CYTH3: variants seen among roughly 807,000 people sequenced by gnomAD.
CYTH3 encodes cytohesin 3.
A neutral mutation model predicts 55.1 loss-of-function variants in CYTH3; 23 were observed. The ratio of observed to expected loss-of-function variants is 0.42; its 90% CI spans 0.30 to 0.59. The LOEUF is 0.59. Ranked by LOEUF, CYTH3 falls within the 20% of genes least tolerant of loss-of-function variation. CYTH3 has a pLI of 0.20. For missense variants in CYTH3, 413 were observed against 524.8 expected, an observed-to-expected ratio of 0.79 and a Z score of 2.08; for synonymous variants, 249 against 194.9, an observed-to-expected ratio of 1.28 and a Z score of -2.31.
chr7:6,242,818 C>T (rs1779709259), intron 1 of CYTH3, among the ~76,000 whole-genome samples: 1 of 152,100 alleles, frequency 6.6e-6, no homozygotes, highest in South Asian at 2.1e-4. Flanking sequence ...CCAGTGCCTC[C>T]CATACTCCTC....
chr7:6,210,464 G>A (rs1422849747), intron 1 of CYTH3, among the ~76,000 whole-genome samples: 1 of 152,202 alleles, frequency 6.6e-6, no homozygotes, highest in East Asian at 1.9e-4. Flanking sequence ...CAACTACCAT[G>A]TCAAGGAGAC....
chr7:6,168,945 C>A (rs1043716061), intron 9 of CYTH3, among the ~76,000 whole-genome samples: 2 of 152,174 alleles, frequency 1.3e-5, no homozygotes, highest in African/African-American at 2.4e-5. Flanking sequence ...GAGTGCCTGC[C>A]GGCATTTCCG....
intron 1 of CYTH3, among the ~76,000 whole-genome samples, chr7:6,259,760 TATA>T (rs1780245885): frequency 3.9e-5 from 1 of 25,908 alleles, no homozygotes; most frequent in East Asian, 1.5e-3. Context: ...ATATATATTA[TATA>T]TATATATATT....
At chr7:6,181,315 T>C (rs530790839) in intron 4 of CYTH3, among the ~76,000 whole-genome samples, 39 of 152,240 alleles carry the variant, frequency 2.6e-4, no homozygotes, top group Non-Finnish European at 4.7e-4. Flanking sequence ...CACGCTCCAA[T>C]TACACAATTC....
In CYTH3 at chr7:6,173,680, G is replaced by A. The variant is rs1783260718; in HGVS notation, c.422C>T (p.Ala141Val). The A allele has an allele frequency of 1.2e-6, 2 of 1,611,802 alleles. No individual in the cohort carries two copies. Among genetic ancestry groups the A allele is most frequent in the Middle Eastern group, 1.7e-4 (1 of 6,036 alleles). The change falls in exon 6 of 13, where the codon GCT becomes GTT. Residue 141 changes from alanine (A) to valine (V), a missense_variant. Ala to Val is a moderately conservative substitution (Grantham distance 64). Transcript: ENST00000350796. Reference sequence around the variant, plus strand: ...TAAGGCTTGTACAAGGTTGAGATCAGCAAACTCATGGAGTTCAACAAAGGC... The same window carrying A: ...TAAGGCTTGTACAAGGTTGAGATCAACAAACTCATGGAGTTCAACAAAGGC... ...LQAFVELHEFADLNLVQALRQ... is the reference protein window; with the variant it reads ...LQAFVELHEFVDLNLVQALRQ...
intron 5 of CYTH3, among the ~76,000 whole-genome samples, chr7:6,175,422 C>A (rs763093614): frequency 6.6e-6 from 1 of 151,966 alleles, no homozygotes; most frequent in Non-Finnish European, 1.5e-5. Context: ...TGTCTTGGTA[C>A]CTGGTTGAAA....
At chr7:6,249,187 G>A (rs939120849) in intron 1 of CYTH3, among the ~76,000 whole-genome samples, 1 of 152,150 alleles carries the variant, frequency 6.6e-6, no homozygotes, top group Non-Finnish European at 1.5e-5. Context: ...GGTTCACTAT[G>A]TTCTGTGTTT....
At chr7:6,231,074 T>C (rs1446302424) in intron 1 of CYTH3, among the ~76,000 whole-genome samples, 1 of 152,184 alleles carries the variant, frequency 6.6e-6, no homozygotes, top group Non-Finnish European at 1.5e-5. Flanking sequence ...CTCTCACCTG[T>C]ACTAACCCAC....
intron 1 of CYTH3, among the ~76,000 whole-genome samples, chr7:6,201,581 T>A (rs1333203864): frequency 6.6e-6 from 1 of 152,066 alleles, no homozygotes; most frequent in Non-Finnish European, 1.5e-5. Flanking sequence ...GTACAGGAGG[T>A]GTGAGCATCA....
chr7:6,227,228 T>C (rs1779278613), intron 1 of CYTH3, among the ~76,000 whole-genome samples: 1 of 151,228 alleles, frequency 6.6e-6, no homozygotes. Context: ...AGAAAGCAGA[T>C]AGGAACAGAT....
intron 4 of CYTH3, among the ~76,000 whole-genome samples, chr7:6,186,016 G>A (rs577216554): frequency 8.6e-5 from 13 of 151,798 alleles, no homozygotes; most frequent in Admixed American, 2.0e-4. Context: ...AGGCCGAGGC[G>A]GGCGGATCAT....
At chr7:6,236,086 C>T (rs1779514532) in intron 1 of CYTH3, among the ~76,000 whole-genome samples, 1 of 152,172 alleles carries the variant, frequency 6.6e-6, no homozygotes, top group Non-Finnish European at 1.5e-5. Context: ...TACTTAACTA[C>T]TCTAGGATTA....
chr7:6,188,847 A>G (rs1297971196), intron 2 of CYTH3: 1 of 152,210 alleles, frequency 6.6e-6, no homozygotes, highest in African/African-American at 2.4e-5. Context: ...TCAACCAGAG[A>G]CCAATTCTGG....
intron 1 of CYTH3, among the ~76,000 whole-genome samples, chr7:6,206,219 T>C (rs1310295097): frequency 6.6e-6 from 1 of 152,166 alleles, no homozygotes; most frequent in African/African-American, 2.4e-5. Flanking sequence ...CATCAACAGA[T>C]GAATGGATTT....
intron 1 of CYTH3, among the ~76,000 whole-genome samples, chr7:6,271,534 A>G (rs1267299304): frequency 6.6e-6 from 1 of 152,174 alleles, no homozygotes; most frequent in Non-Finnish European, 1.5e-5. Flanking sequence ...TTCCTGTAAA[A>G]ACACGGGCAT....
chr7:6,177,218 AT>A (rs1428259424), intron 5 of CYTH3, among the ~76,000 whole-genome samples: 1 of 152,078 alleles, frequency 6.6e-6, no homozygotes, highest in African/African-American at 2.4e-5. Context: ...TCGATCAAAT[AT>A]TTTTTTTAAA....
intron 4 of CYTH3, among the ~76,000 whole-genome samples, chr7:6,185,349 G>A (rs1235553139): frequency 1.3e-5 from 2 of 151,374 alleles, no homozygotes; most frequent in Admixed American, 6.6e-5. Flanking sequence ...CTTTTGGGAG[G>A]CTGAGGTGGG....
At chr7:6,190,717 AAT>A (rs1783781012) in intron 1 of CYTH3, among the ~76,000 whole-genome samples, 186 bp from the exon 2 acceptor site, 1 of 152,174 alleles carries the variant, frequency 6.6e-6, no homozygotes, top group Non-Finnish European at 1.5e-5. Flanking sequence ...AAACAGCCTA[AAT>A]ATTCATCAGT....
chr7:6,221,963 C>CA (rs575350520), intron 1 of CYTH3, among the ~76,000 whole-genome samples: 6 of 151,802 alleles, frequency 4.0e-5, no homozygotes, highest in East Asian at 1.9e-4. Context: ...AAAACAAAAA[C>CA]AAAAAAAACT....
Sources: gnomAD v4.1 joint callset for allele counts (sites outside exome capture counted in the v4.1 genomes callset) on GRCh38, gnomAD v4.1.1 for gene constraint, MANE v1.5 for transcripts, NCBI Gene and HGNC (gene_info 2026-07-23, HGNC 2026-07-21) for gene names.